CDH8: variants seen among roughly 807,000 people sequenced by gnomAD.
CDH8 encodes cadherin 8.
CDH8 carries 17 observed loss-of-function variants against 68.1 expected under a neutral mutation model. The ratio of observed to expected loss-of-function variants is 0.25; its 90% CI spans 0.17 to 0.37. The LOEUF (loss-of-function observed/expected upper bound fraction) is 0.37, where lower values mean the gene tolerates loss of function less well. Ranked by LOEUF, CDH8 falls within the 10% of genes least tolerant of loss-of-function variation. The probability of loss-of-function intolerance (pLI) is 1.00; values close to 1 mark genes in which losing one functional copy is unlikely to be tolerated. For missense variants in CDH8, 763 were observed against 999.3 expected (o/e 0.76, Z 3.19); for synonymous variants, 372 against 365.1 (o/e 1.02, Z -0.21).
chr16:62,018,601 C>A (rs1238772342), intron 2 of CDH8, among the ~76,000 whole-genome samples: 3 of 152,178 alleles, frequency 2.0e-5, no homozygotes, highest in Non-Finnish European at 4.4e-5. Context: ...AACCCAAGAT[C>A]CTCCAAGGCT....
At chr16:61,776,196 G>C (rs76803359) in intron 8 of CDH8, among the ~76,000 whole-genome samples, 2 of 152,030 alleles carry the variant, frequency 1.3e-5, no homozygotes, top group Non-Finnish European at 2.9e-5. Context: ...CTCTGTTTAC[G>C]CAATTTACCT....
At chr16:61,825,583 G>A (rs1410694996) in intron 4 of CDH8, among the ~76,000 whole-genome samples, 1 of 151,684 alleles carries the variant, frequency 6.6e-6, no homozygotes, top group Non-Finnish European at 1.5e-5. Context: ...TACACACATA[G>A]CTTGAAGGCT....
intron 7 of CDH8, among the ~76,000 whole-genome samples, chr16:61,812,148 A>G (rs894611772): frequency 6.6e-6 from 1 of 152,180 alleles, no homozygotes; most frequent in Non-Finnish European, 1.5e-5. Flanking sequence ...ATCAATCAAT[A>G]CACCATCTAC....
intron 3 of CDH8, among the ~76,000 whole-genome samples, chr16:61,883,454 A>C (rs556612691): frequency 1.3e-5 from 2 of 152,048 alleles, no homozygotes; most frequent in Admixed American, 1.3e-4. Flanking sequence ...AGCAGGCAAC[A>C]TTGTCTATAA....
chr16:61,682,666 A>C (rs775808682), intron 10 of CDH8, among the ~76,000 whole-genome samples: 2 of 23,608 alleles, frequency 8.5e-5, no homozygotes, highest in African/African-American at 8.9e-4. Flanking sequence ...GAAGTTTAAG[A>C]AAAAAAAAAA....
At position 61,960,241 on chromosome 16, in the gene CDH8, G is replaced by GTGTGTGTGTATACACACATATATACA. The variant is rs1965108429; in HGVS notation, c.253-58769_253-58768insTGTATATATGTGTGTATACACACACA. ...TGTGTGTATACACACATATATACATGTGTGTGTGTATACACATACATATAT... is the reference window on the plus strand; with the variant it reads ...TGTGTGTATACACACATATATACATGTGTGTGTGTATACACACATATATACATGTGTGTGTATACACATACATATAT... On this transcript the variant is annotated intron_variant, in intron 2 of 11. Coordinates refer to ENST00000577390, the MANE Select transcript of CDH8 (RefSeq NM_001796.5). Among the ~76,000 whole-genome samples the GTGTGTGTGTATACACACATATATACA allele has an allele frequency of 7.1e-5, 2 of 28,170 alleles. 1 individual carries two copies. The highest frequency in any genetic ancestry group is 1.2e-4 in the Non-Finnish European group (2 of 16,626). 18.5% of individuals were successfully genotyped at this position (28,170 alleles called of 152,430 possible).
At chr16:62,019,232 T>C (rs1274799735) in intron 2 of CDH8, among the ~76,000 whole-genome samples, 3 of 152,224 alleles carry the variant, frequency 2.0e-5, no homozygotes, top group African/African-American at 4.8e-5. Flanking sequence ...TTACATTCTA[T>C]ACTCAATAAC....
At chr16:61,920,080 T>C (rs1322628533) in intron 2 of CDH8, among the ~76,000 whole-genome samples, 1 of 147,936 alleles carries the variant, frequency 6.8e-6, no homozygotes, top group Non-Finnish European at 1.5e-5. Flanking sequence ...ATCCCTTCCT[T>C]ACACCTTATA....
Position 61,821,117 on chromosome 16 carries a change from TA to T in CDH8, c.836-5del. ...GGTACTGAGAAGTGATACAGGCCTT[TA>T]AAAAGAGGAGAAACAATGAGAGTCA... On this transcript the variant is annotated splice_polypyrimidine_tract_variant and splice_region_variant and intron_variant, in intron 5 of 11. Coordinates refer to ENST00000577390, the MANE Select transcript of CDH8 (RefSeq NM_001796.5). The T allele has an allele frequency of 1.9e-6, 3 of 1,590,880 alleles. No homozygotes were observed. The East Asian group carries it at 6.7e-5, about 36-fold the overall frequency.
At chr16:61,684,729 T>C (rs74702312) in intron 10 of CDH8, among the ~76,000 whole-genome samples, 1,682 of 152,124 alleles carry the variant, frequency 0.011, 10 homozygotes, top group Non-Finnish European at 0.017. Context: ...GTCCAGAGCT[T>C]GGCTGGGTTA....
At chr16:61,774,115 C>G (rs73560925) in intron 8 of CDH8, among the ~76,000 whole-genome samples, 1 of 152,012 alleles carries the variant, frequency 6.6e-6, no homozygotes, top group Non-Finnish European at 1.5e-5. Flanking sequence ...TTTGGCTTTG[C>G]TGCTTTGTAA....
chr16:61,906,089 G>A (rs1964056186), intron 2 of CDH8, among the ~76,000 whole-genome samples: 1 of 151,950 alleles, frequency 6.6e-6, no homozygotes, highest in South Asian at 2.1e-4. Flanking sequence ...CAAGACAGGG[G>A]CCACATTACA....
intron 9 of CDH8, among the ~76,000 whole-genome samples, chr16:61,721,294 C>T (rs1959215468): frequency 6.6e-6 from 1 of 150,892 alleles, no homozygotes; most frequent in Non-Finnish European, 1.5e-5. Context: ...GTATTTTATG[C>T]ATTTTGTGGA....
intron 3 of CDH8, among the ~76,000 whole-genome samples, chr16:61,882,231 T>C (rs1243904796): frequency 2.6e-5 from 4 of 152,220 alleles, no homozygotes; most frequent in African/African-American, 4.8e-5. Context: ...TTTTACTCGA[T>C]GGATATAATG....
intron 10 of CDH8, among the ~76,000 whole-genome samples, chr16:61,712,050 T>C (rs1217424438): frequency 1.3e-5 from 2 of 151,836 alleles, no homozygotes; most frequent in Non-Finnish European, 3.0e-5. Context: ...TTTTAACTTC[T>C]ATTTTCCAGT....
intron 10 of CDH8, among the ~76,000 whole-genome samples, chr16:61,665,635 C>T (rs1011722509): frequency 6.6e-6 from 1 of 151,804 alleles, no homozygotes; most frequent in Non-Finnish European, 1.5e-5. Flanking sequence ...CAAACCTGAA[C>T]GTTCTTCACA....
chr16:61,731,861 A>C (rs1307970470), intron 8 of CDH8, among the ~76,000 whole-genome samples: 1 of 151,832 alleles, frequency 6.6e-6, no homozygotes, highest in African/African-American at 2.4e-5. Flanking sequence ...GGCATAATTA[A>C]ATATGTAAAT....
chr16:61,928,758 G>T (rs1964493704), intron 2 of CDH8, among the ~76,000 whole-genome samples: 1 of 152,140 alleles, frequency 6.6e-6, no homozygotes, highest in Non-Finnish European at 1.5e-5. Context: ...AATATCCTTT[G>T]TCTGTCTACA....
chr16:61,818,795 G>A (rs534876128), intron 6 of CDH8, among the ~76,000 whole-genome samples: 1 of 152,192 alleles, frequency 6.6e-6, no homozygotes, highest in Non-Finnish European at 1.5e-5. Context: ...AGGCAATGAA[G>A]ATTTTTAAAA....
Sources: gnomAD v4.1 joint callset for allele counts (sites outside exome capture counted in the v4.1 genomes callset) on GRCh38, gnomAD v4.1.1 for gene constraint, MANE v1.5 for transcripts, NCBI Gene and HGNC (gene_info 2026-07-23, HGNC 2026-07-21) for gene names.